TMEM255A: variants seen among roughly 807,000 people sequenced by gnomAD.
TMEM255A encodes family with sequence similarity 70, member A.
Under a neutral mutation model 23.5 loss-of-function variants are expected in TMEM255A, and 14 were observed. The observed-to-expected ratio is 0.60, with a 90% CI of 0.39 to 0.93. The LOEUF is 0.93. Among genes scored for constraint, TMEM255A ranks in the 40% least tolerant of loss-of-function variants. The probability of loss-of-function intolerance (pLI) is 0.00; values close to 1 mark genes in which losing one functional copy is unlikely to be tolerated. For missense variants in TMEM255A, 233 were observed against 261.7 expected (o/e 0.89, Z 0.76); for synonymous variants, 104 against 100.3 (o/e 1.04, Z -0.22).
chrX:120,272,673 C>A (rs1392179786), intron 7 of TMEM255A, among the ~76,000 whole-genome samples: 1 of 111,277 alleles, frequency 9.0e-6, no homozygotes, highest in African/African-American at 3.3e-5. Flanking sequence ...TTTCCTGAGG[C>A]CTTCTCAGTC....
intron 7 of TMEM255A, among the ~76,000 whole-genome samples, chrX:120,271,316 G>T (rs1243667927): frequency 8.9e-6 from 1 of 111,926 alleles, no homozygotes; most frequent in Non-Finnish European, 1.9e-5. Context: ...GCAAATCTGG[G>T]CTCCAGTCCC....
At chrX:120,293,716 A>G (rs782586797) in intron 3 of TMEM255A, among the ~76,000 whole-genome samples, 27 of 112,214 alleles carry the variant, frequency 2.4e-4, no homozygotes, top group African/African-American at 8.7e-4. Flanking sequence ...CTTTGGGAGT[A>G]AGGAGGAAAG....
chrX:120,278,992 T>C (rs2057819092), intron 6 of TMEM255A, among the ~76,000 whole-genome samples: 1 of 111,785 alleles, frequency 8.9e-6, no homozygotes, highest in African/African-American at 3.3e-5. Context: ...GAAAGAGAGA[T>C]GGTTAAACAT....
chrX:120,285,924 CCAT>C (rs2057872414), intron 5 of TMEM255A: 1 of 1,171,486 alleles, frequency 8.5e-7, no homozygotes, highest in Non-Finnish European at 1.1e-6. Flanking sequence ...GCTCTCTCCC[CCAT>C]CCAGATGCAA....
At chrX:120,270,561 A>ATATT (rs1415686058) in intron 7 of TMEM255A, among the ~76,000 whole-genome samples, 1 of 111,575 alleles carries the variant, frequency 9.0e-6, no homozygotes, top group African/African-American at 3.3e-5. Flanking sequence ...TTAGGAGAAA[A>ATATT]TGGAAAGATA....
At chrX:120,254,693 C>T (rs2057625570), downstream of TMEM255A, 2 of 1,211,811 alleles carry the variant, frequency 1.7e-6, no homozygotes, top group Non-Finnish European at 2.2e-6. Flanking sequence ...AAATTGAAGG[C>T]TTATCGACTG....
At chrX:120,286,821 C>T (rs1185039413) in intron 5 of TMEM255A, among the ~76,000 whole-genome samples, 1 of 111,708 alleles carries the variant, frequency 9.0e-6, no homozygotes, top group Admixed American at 9.5e-5. Context: ...GCAACTGAAC[C>T]ATCATCCACA....
intron 6 of TMEM255A, among the ~76,000 whole-genome samples, chrX:120,281,247 C>G (rs978406718): frequency 3.6e-5 from 4 of 112,098 alleles, no homozygotes; most frequent in Non-Finnish European, 7.5e-5. Flanking sequence ...GAATGAGTAA[C>G]TGAGTGCAAA....
chrX:120,287,687 C>T (rs980542828), intron 4 of TMEM255A, among the ~76,000 whole-genome samples: 14 of 111,299 alleles, frequency 1.3e-4, no homozygotes, highest in Non-Finnish European at 2.1e-4. Context: ...CTGTCATTTC[C>T]GCATCATTTT....
At chrX:120,306,592 G>A (rs1359242298) in intron 1 of TMEM255A, among the ~76,000 whole-genome samples, 9 of 111,838 alleles carry the variant, frequency 8.0e-5, no homozygotes, top group Admixed American at 2.8e-4. Flanking sequence ...GATACACCAC[G>A]GATATCTTTG....
At chrX:120,254,395 A>G (rs145020165), downstream of TMEM255A, 14 of 1,209,637 alleles carry the variant, frequency 1.2e-5, no homozygotes, top group Non-Finnish European at 1.5e-5. Context: ...AACAAGGCCA[A>G]TGAAGAGGAG....
chrX:120,306,259 G>A (rs1201080490), intron 1 of TMEM255A, among the ~76,000 whole-genome samples: 2 of 111,212 alleles, frequency 1.8e-5, no homozygotes, highest in African/African-American at 6.6e-5. Context: ...GAGCAAAGCC[G>A]GGAGCTCTGG....
Position 120,259,266 on chromosome X carries a change from A to G in TMEM255A, c.*1604T>C, listed in dbSNP as rs189177847. The stretch of plus-strand genomic sequence containing the variant: ...AATATGCTCAGAACTGTAAAAAATC[A>G]TAGTAATTTTGTATAACATAAAAGG... On this transcript the variant is annotated 3_prime_UTR_variant, in exon 9 of 9. Transcript: ENST00000371369. The G allele has an allele frequency of 3.4e-3, 385 of 113,101 alleles. 4 individuals carry two copies. The highest frequency in any genetic ancestry group is 3.8e-3 in the Non-Finnish European group (202 of 53,326). 9.3% of individuals were successfully genotyped at this position (113,101 alleles called of 1,213,427 possible). A position where few individuals can be genotyped will look rare whatever the true frequency, so the allele number is the denominator to read the frequency against.
chrX:120,285,022 T>A (rs2057863460), intron 6 of TMEM255A, 105 bp downstream of exon 6: 2 of 712,905 alleles, frequency 2.8e-6, no homozygotes, highest in East Asian at 6.4e-5. Context: ...CAGATCAATG[T>A]CTTCCACTTC....
At chrX:120,300,197 G>A (rs782820573) in intron 2 of TMEM255A, among the ~76,000 whole-genome samples, 10 of 111,029 alleles carry the variant, frequency 9.0e-5, no homozygotes, top group African/African-American at 3.3e-4. Context: ...AGGTGTACCG[G>A]GAAGCAGCAA....
At chrX:120,272,329 C>T (rs1556018941) in intron 7 of TMEM255A, among the ~76,000 whole-genome samples, 1 of 111,753 alleles carries the variant, frequency 8.9e-6, no homozygotes, top group African/African-American at 3.3e-5. Flanking sequence ...GCAGCCCAGG[C>T]CTTGTCCTTA....
At chrX:120,262,244 C>T (rs2057685359) in intron 8 of TMEM255A, among the ~76,000 whole-genome samples, 1 of 111,695 alleles carries the variant, frequency 9.0e-6, no homozygotes, top group African/African-American at 3.3e-5. Flanking sequence ...GAGCTCAGAT[C>T]ACGCCACTGC....
chrX:120,275,733 G>C (rs1385269027), intron 7 of TMEM255A, among the ~76,000 whole-genome samples: 1 of 106,856 alleles, frequency 9.4e-6, no homozygotes, highest in Non-Finnish European at 1.9e-5. Flanking sequence ...CTGATGCCTG[G>C]GCTTCAGTTT....
intron 6 of TMEM255A, among the ~76,000 whole-genome samples, chrX:120,283,589 G>T (rs1351940928): frequency 1.8e-5 from 2 of 111,469 alleles, no homozygotes; most frequent in Non-Finnish European, 3.8e-5. Context: ...CCTTCACTAA[G>T]ATTCTGAAGG....
Sources: gnomAD v4.1 joint callset for allele counts (sites outside exome capture counted in the v4.1 genomes callset) on GRCh38, gnomAD v4.1.1 for gene constraint, MANE v1.5 for transcripts, NCBI Gene and HGNC (gene_info 2026-07-23, HGNC 2026-07-21) for gene names.